The following BMPER variants were observed in gnomAD, a reference collection of about 807,000 sequenced individuals.
BMPER encodes the protein BMP binding endothelial regulator.
In BMPER, 45 loss-of-function variants were observed where a neutral mutation model predicts 87.3. That is an observed-to-expected ratio of 0.52 (90% confidence interval 0.41 to 0.66). The LOEUF is 0.66. Among genes scored for constraint, BMPER ranks in the 30% least tolerant of loss-of-function variants. BMPER has a pLI of 0.00. For missense variants in BMPER, 784 were observed against 867.5 expected, an observed-to-expected ratio of 0.90 and a Z score of 1.21; for synonymous variants, 326 against 316.2, an observed-to-expected ratio of 1.03 and a Z score of -0.33.
At chr7:33,907,244 G>A (rs1026958481) in intron 2 of BMPER, among the ~76,000 whole-genome samples, 1 of 151,962 alleles carries the variant, frequency 6.6e-6, no homozygotes, top group East Asian at 1.9e-4. Flanking sequence ...AACTTTCTGC[G>A]TTGGTTCTGT....
intron 4 of BMPER, among the ~76,000 whole-genome samples, chr7:33,969,422 T>A (rs1419854797): frequency 6.6e-6 from 1 of 152,208 alleles, no homozygotes; most frequent in Non-Finnish European, 1.5e-5. Flanking sequence ...TTTTTTGAGA[T>A]GGAGTCTCGC....
intron 11 of BMPER, among the ~76,000 whole-genome samples, chr7:34,071,840 T>G (rs1407953106): frequency 1.3e-5 from 2 of 152,200 alleles, no homozygotes; most frequent in East Asian, 3.8e-4. Context: ...TATAATTAGC[T>G]TATAGATAGG....
chr7:34,035,318 C>A (rs992640396), intron 6 of BMPER, among the ~76,000 whole-genome samples: 1 of 152,042 alleles, frequency 6.6e-6, no homozygotes, highest in Non-Finnish European at 1.5e-5. Context: ...ACAATGGATA[C>A]CAAATAGATA....
chr7:33,991,809 A>G (rs1378134860), intron 6 of BMPER, among the ~76,000 whole-genome samples: 2 of 146,778 alleles, frequency 1.4e-5, no homozygotes, highest in East Asian at 4.0e-4. Flanking sequence ...AGATTCTGGT[A>G]TGTTGTGTCT....
intron 11 of BMPER, among the ~76,000 whole-genome samples, chr7:34,076,676 G>A (rs1788873621): frequency 6.6e-6 from 1 of 152,134 alleles, no homozygotes; most frequent in African/African-American, 2.4e-5. Flanking sequence ...GCATGTAGAA[G>A]AGCGTTAGGG....
chr7:33,959,862 A>G (rs1785228188), intron 3 of BMPER, among the ~76,000 whole-genome samples: 1 of 152,202 alleles, frequency 6.6e-6, no homozygotes, highest in African/African-American at 2.4e-5. Flanking sequence ...TCCAACAAAC[A>G]CAAACATTAG....
intron 13 of BMPER, among the ~76,000 whole-genome samples, chr7:34,101,462 A>ATTCTGTT (rs1789680325): frequency 6.6e-6 from 1 of 152,232 alleles, no homozygotes; most frequent in Admixed American, 6.5e-5. Flanking sequence ...GAATTTTTAA[A>ATTCTGTT]TAATCACTGG....
chr7:33,926,811 G>T (rs1326638040), intron 2 of BMPER, among the ~76,000 whole-genome samples: 1 of 152,262 alleles, frequency 6.6e-6, no homozygotes, highest in East Asian at 1.9e-4. Flanking sequence ...CTTCTAGCCA[G>T]CTAGAGAGCT....
chr7:33,924,194 C>G (rs546377940), intron 2 of BMPER, among the ~76,000 whole-genome samples: 1 of 152,350 alleles, frequency 6.6e-6, no homozygotes, highest in African/African-American at 2.4e-5. Flanking sequence ...TCCTCTTTCT[C>G]TTACATCCCA....
In BMPER at chr7:34,028,601, G is replaced by GTTTTTTTTTTT; in HGVS notation, c.577-17683_577-17673dup. ...ACATACAGTCCAAATCATTTTTTCT[G>GTTTTTTTTTTT]TTTTTTTTTTTTTTTTTTTTTTTTT... On this transcript the variant is annotated intron_variant, in intron 6 of 14. Coordinates refer to ENST00000649409, the MANE Select transcript of BMPER (RefSeq NM_001365308.1). Among the ~76,000 whole-genome samples the GTTTTTTTTTTT allele has an allele frequency of 1.4e-3, 51 of 36,054 alleles. 11 individuals are homozygous for GTTTTTTTTTTT. The highest frequency in any genetic ancestry group is 6.1e-3 in the East Asian group (5 of 820). 23.7% of individuals were successfully genotyped at this position (36,054 alleles called of 152,430 possible).
chr7:33,931,805 C>G (rs1784487156), intron 2 of BMPER, among the ~76,000 whole-genome samples: 1 of 152,168 alleles, frequency 6.6e-6, no homozygotes, highest in Non-Finnish European at 1.5e-5. Context: ...ACATGGACCA[C>G]TATTGTGTAA....
chr7:34,108,588 C>T (rs1380426502), intron 13 of BMPER, among the ~76,000 whole-genome samples: 2 of 152,220 alleles, frequency 1.3e-5, no homozygotes, highest in African/African-American at 4.8e-5. Context: ...CATGTTCTTA[C>T]AAGTCCCTTT....
intron 6 of BMPER, among the ~76,000 whole-genome samples, chr7:34,041,486 A>C (rs779539563): frequency 1.3e-5 from 2 of 152,124 alleles, no homozygotes; most frequent in African/African-American, 2.4e-5. Context: ...AAATCTGAAA[A>C]TCTTTACTCC....
At chr7:34,062,136 C>T in intron 11 of BMPER, 89 bp downstream of exon 11, 1 of 1,248,014 alleles carries the variant, frequency 8.0e-7, no homozygotes, top group Admixed American at 1.9e-5. Flanking sequence ...GTTTCCCACA[C>T]ATTTTATTTT....
In BMPER at chr7:34,060,187, T is replaced by A. The variant is rs114067584; in HGVS notation, c.1033-1815T>A. Among the ~76,000 whole-genome samples, 1,342 of 152,224 alleles carry A rather than the reference T, an allele frequency of 8.8e-3. 12 individuals are homozygous for A. The highest frequency in any genetic ancestry group is 0.03 in the African/African-American group (1,255 of 41,524). ...AGCTTGTACCTGATTTATTCCCCCA[T>A]CTAATTTAGTGATATCATCACTGCC... On this transcript the variant is annotated intron_variant, in intron 10 of 14. Coordinates refer to ENST00000649409, the MANE Select transcript of BMPER (RefSeq NM_001365308.1).
rs997057811 is a variant in BMPER at position 33,958,520 on chromosome 7, G to A, written c.320-7959G>A. On this transcript the variant is annotated intron_variant, in intron 3 of 14. Transcript: ENST00000649409. ...CCTTAAATACTGGCTTTGTACCACC[G>A]CTGGAACATCCTTTTAAAGTATCAT... 2.0e-4 allele frequency among the ~76,000 whole-genome samples: 30 copies of A among 152,226 alleles called. No individual in the cohort carries two copies. In the East Asian group the frequency reaches 2.9e-3, roughly 15 times the overall value.
At chr7:33,964,440 A>G (rs1267299663) in intron 3 of BMPER, among the ~76,000 whole-genome samples, 4 of 152,242 alleles carry the variant, frequency 2.6e-5, no homozygotes, top group Non-Finnish European at 5.9e-5. Flanking sequence ...AGGGTGGTTA[A>G]GCAATGGGGC....
At chr7:34,024,287 G>A (rs1377518790) in intron 6 of BMPER, among the ~76,000 whole-genome samples, 10 of 141,364 alleles carry the variant, frequency 7.1e-5, no homozygotes, top group Non-Finnish European at 1.5e-5. Flanking sequence ...GAAGCCAGGA[G>A]GCAGAGGTTG....
intron 6 of BMPER, among the ~76,000 whole-genome samples, chr7:34,003,231 A>G (rs1472911457): frequency 6.6e-6 from 1 of 151,898 alleles, no homozygotes; most frequent in African/African-American, 2.4e-5. Flanking sequence ...ACACATACAT[A>G]TATGTAAACA....
Sources: gnomAD v4.1 joint callset for allele counts (sites outside exome capture counted in the v4.1 genomes callset) on GRCh38, gnomAD v4.1.1 for gene constraint, MANE v1.5 for transcripts, NCBI Gene and HGNC (gene_info 2026-07-23, HGNC 2026-07-21) for gene names.